The following USPL1 variants were observed in gnomAD, a reference collection of about 807,000 sequenced individuals.
The protein encoded by USPL1 is SUMO-specific isopeptidase USPL1.
Under a neutral mutation model 51.5 loss-of-function variants are expected in USPL1, and 27 were observed. The ratio of observed to expected loss-of-function variants is 0.52; its 90% CI spans 0.39 to 0.72. The LOEUF is 0.72. Ranked by LOEUF, USPL1 falls within the 30% of genes least tolerant of loss-of-function variation. USPL1 has a pLI of 0.00. For missense variants in USPL1, 1,226 were observed against 1,268.0 expected (o/e 0.97, Z 0.50); for synonymous variants, 451 against 459.6 (o/e 0.98, Z 0.24).
chr13:30,631,513 C>A (rs1593368310), intron 4 of USPL1, 39 bp downstream of exon 4: 2 of 1,527,372 alleles, frequency 1.3e-6, no homozygotes, highest in East Asian at 4.8e-5. Context: ...CTTATTTATT[C>A]ATCTGGAGTC....
rs147868952 is a variant in USPL1, at chr13:30,653,202, G to A, written c.1293G>A (p.Leu431=). The A allele has an allele frequency of 1.9e-6, 3 of 1,612,380 alleles. No homozygotes were observed. Among genetic ancestry groups the A allele is most frequent in the African/African-American group, 2.7e-5 (2 of 74,884 alleles). Residue 431 remains leucine (L), a synonymous_variant, in exon 8 of 9, where the codon TTG becomes TTA. Coordinates refer to ENST00000255304, the MANE Select transcript of USPL1 (RefSeq NM_005800.5). The part of the protein sequence containing the change: ...HFVEGLPQND[L]QHYAFHFEGC... The stretch of plus-strand genomic sequence containing the variant: ...TAGAAGGCTTACCACAGAATGACTT[G>A]CAGCACTATGCATTTCATTTTGAAG...
chr13:30,618,936 A>G (rs971142782), intron 1 of USPL1, among the ~76,000 whole-genome samples: 1 of 152,224 alleles, frequency 6.6e-6, no homozygotes, highest in African/African-American at 2.4e-5. Flanking sequence ...TTGTAGAGGC[A>G]TCATTTTGAC....
rs1487821175 is a variant in USPL1 at position 30,657,659 on chromosome 13, C to A, written c.1582C>A (p.Pro528Thr). 4 of 1,614,028 alleles carry A rather than the reference C, an allele frequency of 2.5e-6. No homozygotes were observed. In the African/African-American group the frequency reaches 5.3e-5, roughly 22 times the overall value. Residue 528 changes from proline (P) to threonine (T), a missense_variant, in exon 9 of 9, where the codon CCA becomes ACA. By Grantham distance (38) the Pro-to-Thr change is conservative. Transcript: ENST00000255304. Reference protein sequence around the residue: ...NDQHALSNEKPVSLTSCSVGD... With the variant: ...NDQHALSNEKTVSLTSCSVGD... ...CCAACACGCTCTCAGTAATGAGAAA[C>A]CAGTATCTTTAACATCGTGTTCTGT... is the stretch of plus-strand genomic sequence containing the variant.
Position 30,658,772 on chromosome 13 carries a change from G to A in USPL1, c.2695G>A (p.Glu899Lys). ...AAAACTTCGTAAAAAGCTAAAGGCA[G>A]AAAAGAAGAAATTAGCTGCTCTTAT... ...RLKLRKKLKA[E>K]KKKLAALMSS... Residue 899 changes from glutamate (E) to lysine (K), a missense_variant, in exon 9 of 9, where the codon GAA becomes AAA. By Grantham distance (56) the Glu-to-Lys change is moderately conservative. Coordinates refer to ENST00000255304, the MANE Select transcript of USPL1 (RefSeq NM_005800.5). 1 of 1,614,132 alleles carries A rather than the reference G, an allele frequency of 6.2e-7. No homozygotes were observed. Among genetic ancestry groups the A allele is most frequent in the Non-Finnish European group, 8.5e-7 (1 of 1,180,044 alleles).
chr13:30,624,985 GTA>G (rs1950692706), intron 3 of USPL1, among the ~76,000 whole-genome samples: 1 of 152,100 alleles, frequency 6.6e-6, no homozygotes, highest in South Asian at 2.1e-4. Flanking sequence ...TATGGCATGT[GTA>G]TTCCCATTGG....
chr13:30,628,397 A>G (rs1950753500), intron 3 of USPL1, among the ~76,000 whole-genome samples: 2 of 151,728 alleles, frequency 1.3e-5, no homozygotes, highest in Non-Finnish European at 2.9e-5. Flanking sequence ...TTATTTATTT[A>G]TTTTATTATA....
chr13:30,628,087 G>A (rs1950749522), intron 3 of USPL1, among the ~76,000 whole-genome samples: 1 of 148,936 alleles, frequency 6.7e-6, no homozygotes, highest in Admixed American at 6.7e-5. Context: ...TAGAGACGGG[G>A]GTTTCACCAT....
At chr13:30,627,352 T>C (rs1224943342) in intron 3 of USPL1, among the ~76,000 whole-genome samples, 4 of 152,062 alleles carry the variant, frequency 2.6e-5, no homozygotes, top group Non-Finnish European at 4.4e-5. Context: ...TCTGAAATCA[T>C]TAATTTATAA....
At chr13:30,632,160 C>T (rs1950815736) in intron 4 of USPL1, among the ~76,000 whole-genome samples, 1 of 152,036 alleles carries the variant, frequency 6.6e-6, no homozygotes, top group Admixed American at 6.5e-5. Flanking sequence ...GTTCCCCTCC[C>T]TGTGTCCATG....
chr13:30,619,384 A>C (rs1950618251), intron 1 of USPL1, among the ~76,000 whole-genome samples: 1 of 152,216 alleles, frequency 6.6e-6, no homozygotes, highest in African/African-American at 2.4e-5. Context: ...ATGTTGGGTG[A>C]TGGAATCAGG....
rs118017615 is a variant in USPL1 at position 30,632,877 on chromosome 13, A to G, written c.868+1403A>G. Among the ~76,000 whole-genome samples the G allele has an allele frequency of 2.9e-3, 442 of 152,318 alleles. 2 individuals are homozygous for G. Among genetic ancestry groups the G allele is most frequent in the South Asian group, 7.7e-3 (37 of 4,822 alleles). On this transcript the variant is annotated intron_variant, in intron 4 of 8. Coordinates refer to ENST00000255304, the MANE Select transcript of USPL1 (RefSeq NM_005800.5). ...AAGATCTCTTGGCACAATAAGGGAT[A>G]TGTTTTTCATTTTATTCTCTGTAAA...
chr13:30,637,441 T>C (rs1175508775), intron 4 of USPL1, among the ~76,000 whole-genome samples: 1 of 152,212 alleles, frequency 6.6e-6, no homozygotes, highest in Non-Finnish European at 1.5e-5. Context: ...TAACTTTAGC[T>C]GTTTTAGAGA....
At chr13:30,633,256 TTTAATC>T (rs1349167604) in intron 4 of USPL1, among the ~76,000 whole-genome samples, 2 of 152,190 alleles carry the variant, frequency 1.3e-5, no homozygotes, top group Non-Finnish European at 2.9e-5. Flanking sequence ...TATTATTAGT[TTTAATC>T]TTACTATGCC....
chr13:30,627,122 T>C (rs758872203), intron 3 of USPL1, among the ~76,000 whole-genome samples: 1 of 151,926 alleles, frequency 6.6e-6, no homozygotes, highest in Non-Finnish European at 1.5e-5. Flanking sequence ...TTTTTCAGCA[T>C]TGGATTTTAA....
At chr13:30,620,556 T>C (rs1950633509) in intron 1 of USPL1, among the ~76,000 whole-genome samples, 1 of 152,208 alleles carries the variant, frequency 6.6e-6, no homozygotes, top group Non-Finnish European at 1.5e-5. Flanking sequence ...CAAATAATAA[T>C]TTGTTAGCAG....
intron 8 of USPL1, 35 bp downstream of exon 8, chr13:30,653,340 G>T (rs1951116551): frequency 1.3e-6 from 2 of 1,510,698 alleles, no homozygotes; most frequent in Non-Finnish European, 1.8e-6. Flanking sequence ...AAGATAATTG[G>T]CATAGAAACT....
chr13:30,641,915 T>C (rs1384519308), intron 5 of USPL1, among the ~76,000 whole-genome samples: 1 of 152,028 alleles, frequency 6.6e-6, no homozygotes, highest in Non-Finnish European at 1.5e-5. Context: ...AATTTTTTTT[T>C]TTTTTTTTAG....
intron 4 of USPL1, 52 bp downstream of exon 4, chr13:30,631,526 G>A: frequency 6.7e-7 from 1 of 1,496,280 alleles, no homozygotes; most frequent in East Asian, 2.4e-5. Flanking sequence ...CTGGAGTCAG[G>A]GTCTCATTCT....
chr13:30,622,464 A>G (rs2137603681), intron 3 of USPL1, among the ~76,000 whole-genome samples: 1 of 152,300 alleles, frequency 6.6e-6, no homozygotes. Flanking sequence ...TTGACAGTTT[A>G]TGAGACTGTC....
Sources: gnomAD v4.1 joint callset for allele counts (sites outside exome capture counted in the v4.1 genomes callset) on GRCh38, gnomAD v4.1.1 for gene constraint, MANE v1.5 for transcripts, NCBI Gene and HGNC (gene_info 2026-07-23, HGNC 2026-07-21) for gene names.